NCOR2: variants seen among roughly 807,000 people sequenced by gnomAD.
NCOR2 encodes the protein nuclear receptor corepressor 2, also known as CTG repeat protein 26.
In NCOR2, 81 loss-of-function variants were observed where a neutral mutation model predicts 262.9. The observed-to-expected ratio is 0.31, with a 90% CI of 0.26 to 0.37. The LOEUF (loss-of-function observed/expected upper bound fraction) is 0.37, where lower values mean the gene tolerates loss of function less well. Among genes scored for constraint, NCOR2 ranks in the 10% least tolerant of loss-of-function variants. The pLI, the probability that NCOR2 is intolerant of heterozygous loss-of-function variation, is 1.00. For synonymous variants in NCOR2, 1,659 were observed against 1,559.3 expected (o/e 1.06, Z -1.51); for missense variants, 3,385 against 3,621.4 (o/e 0.93, Z 1.68).
intron 13 of NCOR2, among the ~76,000 whole-genome samples, chr12:124,418,899 C>G (rs186787675): frequency 2.0e-5 from 3 of 152,138 alleles, no homozygotes; most frequent in Non-Finnish European, 4.4e-5. Context: ...TTTGCAAGGA[C>G]GCTCCACGCG....
intron 1 of NCOR2, among the ~76,000 whole-genome samples, chr12:124,506,672 C>A (rs759720481): frequency 4.6e-5 from 7 of 152,102 alleles, no homozygotes; most frequent in Non-Finnish European, 1.0e-4. Flanking sequence ...AAGTTCCGGG[C>A]GCCCCAGGAG....
intron 10 of NCOR2, 189 bp downstream of exon 12, chr12:124,429,424 C>A (rs2043788576): frequency 4.8e-6 from 3 of 625,972 alleles, no homozygotes; most frequent in Admixed American, 2.7e-5. Context: ...ACATTAACAC[C>A]CCTCTCTCTG....
chr12:124,486,617 G>A, intron 1 of NCOR2, 49 bp from the exon 4 acceptor site: 1 of 1,526,936 alleles, frequency 6.5e-7, no homozygotes. Context: ...CACGGGCATG[G>A]CGGGGCACGG....
chr12:124,361,128 A>C (rs2038557395), intron 22 of NCOR2, among the ~76,000 whole-genome samples: 1 of 151,354 alleles, frequency 6.6e-6, no homozygotes, highest in South Asian at 2.1e-4. Context: ...CAAACAAAAA[A>C]AAAAAAAAAA....
intron 16 of NCOR2, among the ~76,000 whole-genome samples, chr12:124,397,277 C>T (rs1177908415): frequency 1.3e-5 from 2 of 152,246 alleles, no homozygotes; most frequent in Non-Finnish European, 2.9e-5. Context: ...CCACTCAGCC[C>T]ACCATGGGCC....
rs1031998932 is a variant in NCOR2 at position 124,566,754 on chromosome 12, A to T, written c.-165+554T>A. On this transcript the variant is annotated intron_variant, in intron 1 of 32. Transcript: ENST00000458234. This position sits in a 1 kb window ranked among gnomAD's most constrained non-coding sequence, Gnocchi z 4.3. ...AGGGGGACCAGGGGCGACTCTCCCG[A>T]GGGACCCCGCCCAGCGCCCCGTGGC... Among the ~76,000 whole-genome samples the T allele has an allele frequency of 6.6e-6, 1 of 152,080 alleles. No homozygotes were observed. The highest frequency in any genetic ancestry group is 1.5e-5 in the Non-Finnish European group (1 of 67,984).
intron 1 of NCOR2, among the ~76,000 whole-genome samples, chr12:124,561,051 T>C (rs920654796): frequency 6.6e-5 from 10 of 152,222 alleles, no homozygotes; most frequent in Non-Finnish European, 1.3e-4. Context: ...TGCAGACAGA[T>C]ACCAGCAAGG....
chr12:124,332,956 G>A lies in NCOR2; in HGVS notation c.6755+174C>T, dbSNP rs144261724. On this transcript the variant is annotated intron_variant, in intron 42 of 46. Transcript: ENST00000405201. ...CTACCACTGAGGTCTCCCCAGGGAG[G>A]GTGGGCATGTATCACACCCCCAAGT... Among the ~76,000 whole-genome samples the A allele has an allele frequency of 2.6e-5, 4 of 152,276 alleles. No individual in the cohort carries two copies. In the East Asian group the frequency reaches 5.8e-4, roughly 22 times the overall value.
intron 30 of NCOR2, among the ~76,000 whole-genome samples, chr12:124,347,132 G>A (rs977328019): frequency 6.6e-6 from 1 of 152,268 alleles, no homozygotes; most frequent in Non-Finnish European, 1.5e-5. Context: ...ACTCTGGGGG[G>A]CTGCGGCAGG....
chr12:124,446,874 A>G (rs1428479638), intron 7 of NCOR2, among the ~76,000 whole-genome samples: 1 of 152,242 alleles, frequency 6.6e-6, no homozygotes, highest in African/African-American at 2.4e-5. Flanking sequence ...CTTACAGTGT[A>G]GGAAATCTTA....
chr12:124,523,486 C>G lies in NCOR2; in HGVS notation c.-118+12079G>C, dbSNP rs1371930953. On this transcript the variant is annotated intron_variant, in intron 1 of 46. Coordinates refer to the NCOR2 transcript ENST00000404621. The surrounding 1 kb of genome is among the most constrained non-coding windows in gnomAD (Gnocchi z 4.0). The stretch of plus-strand genomic sequence containing the variant: ...ACACATCACGCCGGCCAGCATCACC[C>G]AAGCTCTCAGTGTGCCAGGGTCAGT... Among the ~76,000 whole-genome samples, 2 of 152,194 alleles carry G rather than the reference C, an allele frequency of 1.3e-5. No individual in the cohort carries two copies. Among genetic ancestry groups the G allele is most frequent in the African/African-American group, 4.8e-5 (2 of 41,444 alleles).
intron 6 of NCOR2, among the ~76,000 whole-genome samples, chr12:124,456,099 T>A (rs2045836913): frequency 6.6e-6 from 1 of 152,208 alleles, no homozygotes; most frequent in African/African-American, 2.4e-5. Flanking sequence ...TGATCTCAAA[T>A]TCCTGGCTTC....
At chr12:124,398,022 G>A (rs1333829541) in intron 16 of NCOR2, 97 bp downstream of exon 18, 6 of 1,444,498 alleles carry the variant, frequency 4.2e-6, no homozygotes, top group Non-Finnish European at 5.8e-6. Context: ...ACAGCCCCTG[G>A]CTCAAGGCCA....
At position 124,466,159 on chromosome 12, in the gene NCOR2, G is replaced by A. The variant is rs2046407410; in HGVS notation, c.705+14C>T. 6.2e-7 allele frequency: 1 copy of A among 1,602,214 alleles called. No homozygotes were observed. The highest frequency in any genetic ancestry group is 8.5e-7 in the Non-Finnish European group (1 of 1,174,182). ...CAGCACCGGGGGGCAGCAGGCCAGG[G>A]CGGGGACACATACCCGGTTCTCGTC... On this transcript the variant is annotated intron_variant, in intron 5 of 46. Coordinates refer to ENST00000405201, the Ensembl canonical transcript of NCOR2.
At position 124,482,340 on chromosome 12, in the gene NCOR2, C is replaced by T. The variant is rs2047539227; in HGVS notation, c.411+1256G>A. Among the ~76,000 whole-genome samples, 2 of 152,052 alleles carry T rather than the reference C, an allele frequency of 1.3e-5. No homozygotes were observed. The highest frequency in any genetic ancestry group is 2.4e-5 in the African/African-American group (1 of 41,382). The stretch of plus-strand genomic sequence containing the variant: ...ACTCAGAGCAGGAGGGGAAGCCCAG[C>T]CATCCCAGCCCCAGGACGGCACCCC... On this transcript the variant is annotated intron_variant, in intron 3 of 46. Transcript: ENST00000405201. The surrounding 1 kb of genome is among the most constrained non-coding windows in gnomAD (Gnocchi z 6.3).
At chr12:124,475,123 T>A (rs1438531214) in intron 3 of NCOR2, among the ~76,000 whole-genome samples, 1 of 152,112 alleles carries the variant, frequency 6.6e-6, no homozygotes, top group African/African-American at 2.4e-5. Context: ...TCTGTTACCA[T>A]GTGAGATGTG....
intron 31 of NCOR2, among the ~76,000 whole-genome samples, chr12:124,345,153 C>T (rs1196983917): frequency 5.9e-5 from 9 of 152,164 alleles, no homozygotes; most frequent in African/African-American, 1.7e-4. Flanking sequence ...CTGGGCCTGA[C>T]CCTGGTCCCC....
At chr12:124,467,211 T>C (rs1282803044) in intron 4 of NCOR2, among the ~76,000 whole-genome samples, 1 of 120,530 alleles carries the variant, frequency 8.3e-6, no homozygotes, top group Non-Finnish European at 1.7e-5. Context: ...CTCATCCTCA[T>C]CACTGTCATC....
chr12:124,418,295 T>C (rs943991211), intron 13 of NCOR2, among the ~76,000 whole-genome samples: 1 of 152,130 alleles, frequency 6.6e-6, no homozygotes, highest in African/African-American at 2.4e-5. Flanking sequence ...TGGCTGGATG[T>C]TGGGAATGCG....
Sources: allele counts gnomAD v4.1 joint callset (sites outside exome capture counted in the v4.1 genomes callset), GRCh38; gene constraint gnomAD v4.1.1; non-coding constraint Gnocchi (gnomAD v3.1); transcripts MANE v1.5; gene names NCBI Gene and HGNC (gene_info 2026-07-23, HGNC 2026-07-21).